Variants in MAML3 observed in about 807,000 individuals in gnomAD.
MAML3 encodes the protein mastermind like transcriptional coactivator 3, also known as mastermind-like protein 3.
In MAML3, 27 loss-of-function variants were observed where a neutral mutation model predicts 101.9. The observed-to-expected ratio is 0.27, with a 90% CI of 0.20 to 0.37. MAML3 has a LOEUF of 0.37. MAML3 is among the 10% of genes least tolerant of loss of function. The probability of loss-of-function intolerance (pLI) is 1.00; values close to 1 mark genes in which losing one functional copy is unlikely to be tolerated. For missense variants in MAML3, 1,316 were observed against 1,444.9 expected, an observed-to-expected ratio of 0.91 and a Z score of 1.45; for synonymous variants, 501 against 555.9, an observed-to-expected ratio of 0.90 and a Z score of 1.39.
intron 1 of MAML3, among the ~76,000 whole-genome samples, chr4:139,948,606 T>C (rs1469147172): frequency 1.3e-5 from 2 of 152,250 alleles, no homozygotes; most frequent in Admixed American, 6.5e-5. Context: ...AGGATGACAC[T>C]AGAAATGGTC....
chr4:139,845,282 T>G (rs1731421905), intron 2 of MAML3, among the ~76,000 whole-genome samples: 1 of 152,100 alleles, frequency 6.6e-6, no homozygotes, highest in African/African-American at 2.4e-5. Context: ...TGTGGCTGCA[T>G]TAGACAGAGT....
At chr4:139,746,360 G>A (rs1271345968) in intron 2 of MAML3, among the ~76,000 whole-genome samples, 1 of 152,158 alleles carries the variant, frequency 6.6e-6, no homozygotes, top group Admixed American at 6.5e-5. Context: ...ATACCTTGGT[G>A]GTTTCAGGTA....
At chr4:140,008,163 G>C (rs1241605097) in intron 1 of MAML3, among the ~76,000 whole-genome samples, 1 of 152,154 alleles carries the variant, frequency 6.6e-6, no homozygotes, top group Admixed American at 6.5e-5. Context: ...TGGCCTACGT[G>C]GTGAAACCCC....
chr4:139,957,594 G>A (rs1733936717), intron 1 of MAML3, among the ~76,000 whole-genome samples: 1 of 152,152 alleles, frequency 6.6e-6, no homozygotes, highest in African/African-American at 2.4e-5. Flanking sequence ...TAGAAAGATG[G>A]TGAATCCAGT....
At chr4:139,752,684 C>T (rs1729538105) in intron 2 of MAML3, among the ~76,000 whole-genome samples, 1 of 152,112 alleles carries the variant, frequency 6.6e-6, no homozygotes, top group African/African-American at 2.4e-5. Flanking sequence ...ACATATTTCT[C>T]CCGAGAGAGC....
chr4:139,922,626 G>A (rs1733149629), intron 1 of MAML3, among the ~76,000 whole-genome samples: 1 of 152,190 alleles, frequency 6.6e-6, no homozygotes, highest in South Asian at 2.1e-4. Context: ...GATATGAAAA[G>A]ATATGGAGCC....
chr4:139,956,757 A>G (rs1733924381), intron 1 of MAML3, among the ~76,000 whole-genome samples: 1 of 152,156 alleles, frequency 6.6e-6, no homozygotes, highest in African/African-American at 2.4e-5. Context: ...CCACACAGGA[A>G]AGGAGAAATA....
At position 140,073,041 on chromosome 4, in the gene MAML3, G is replaced by C. The variant is rs567319409; in HGVS notation, c.468+79819C>G. 4.6e-5 allele frequency among the ~76,000 whole-genome samples: 7 copies of C among 152,260 alleles called. No homozygotes were observed. The South Asian group carries it at 1.5e-3, about 32-fold the overall frequency. On this transcript the variant is annotated intron_variant, in intron 1 of 4. Coordinates refer to ENST00000509479, the MANE Select transcript of MAML3 (RefSeq NM_018717.5). ...AAAGTGTGTTTGTCTAGGGAGGGAG[G>C]AGGATGGCTGGTCATGAGCACTATA...
Position 139,991,327 on chromosome 4 carries a change from G to A in MAML3, c.469-100360C>T, listed in dbSNP as rs531745368. 2.4e-3 allele frequency among the ~76,000 whole-genome samples: 371 copies of A among 152,302 alleles called. 1 individual carries two copies. Among genetic ancestry groups the A allele is most frequent in the African/African-American group, 8.7e-3 (363 of 41,558 alleles). On this transcript the variant is annotated intron_variant, in intron 1 of 4. Coordinates refer to ENST00000509479, the MANE Select transcript of MAML3 (RefSeq NM_018717.5). ...AAGGATTCCCTATTTAATAAACGGT[G>A]CTGGGAAAACAGGCTAGCCATATGT... is the stretch of plus-strand genomic sequence containing the variant.
At chr4:140,062,236 G>A (rs758214341) in intron 1 of MAML3, among the ~76,000 whole-genome samples, 37 of 152,258 alleles carry the variant, frequency 2.4e-4, no homozygotes, top group Admixed American at 9.2e-4. Context: ...TTCTTAAGCA[G>A]AGAACATGAA....
At chr4:140,008,703 T>A (rs1007098569) in intron 1 of MAML3, among the ~76,000 whole-genome samples, 10 of 152,096 alleles carry the variant, frequency 6.6e-5, no homozygotes, top group African/African-American at 9.7e-5. Context: ...AATAAACAAA[T>A]AAAATTTATG....
intron 1 of MAML3, among the ~76,000 whole-genome samples, chr4:139,988,036 A>G (rs1230793932): frequency 6.2e-4 from 81 of 130,754 alleles, no homozygotes; most frequent in Non-Finnish European, 1.2e-3. Flanking sequence ...AAAAAAAAAA[A>G]AAAAAAGGAA....
intron 2 of MAML3, among the ~76,000 whole-genome samples, chr4:139,788,329 G>A (rs753500344): frequency 1.3e-5 from 2 of 152,086 alleles, no homozygotes; most frequent in African/African-American, 4.8e-5. Context: ...CTTCAAGGTG[G>A]CATTTCTTTT....
chr4:139,759,463 C>A (rs1481714684), intron 2 of MAML3, among the ~76,000 whole-genome samples: 1 of 152,236 alleles, frequency 6.6e-6, no homozygotes, highest in Non-Finnish European at 1.5e-5. Context: ...TCACCTTGAA[C>A]CAGCATCTCT....
chr4:139,975,631 C>A (rs1734324915), intron 1 of MAML3, among the ~76,000 whole-genome samples: 1 of 152,156 alleles, frequency 6.6e-6, no homozygotes, highest in Non-Finnish European at 1.5e-5. Flanking sequence ...GCTTTATTCA[C>A]TGCTGTATGT....
At chr4:140,114,597 A>G (rs1353668397) in intron 1 of MAML3, among the ~76,000 whole-genome samples, 3 of 152,248 alleles carry the variant, frequency 2.0e-5, no homozygotes, top group Non-Finnish European at 4.4e-5. Flanking sequence ...TTTCTCCCCA[A>G]TAAGCCGGGT....
chr4:139,772,020 A>C (rs1212757104), intron 2 of MAML3, among the ~76,000 whole-genome samples: 1 of 150,752 alleles, frequency 6.6e-6, no homozygotes, highest in Non-Finnish European at 1.5e-5. Context: ...TGGGCGGATC[A>C]CGAGGTCAGC....
At chr4:139,758,417 C>T (rs1411758124) in intron 2 of MAML3, among the ~76,000 whole-genome samples, 1 of 152,176 alleles carries the variant, frequency 6.6e-6, no homozygotes, top group Admixed American at 6.5e-5. Flanking sequence ...TAAGATATGG[C>T]TACTACAGCT....
intron 2 of MAML3, among the ~76,000 whole-genome samples, chr4:139,811,340 G>A (rs537543029): frequency 6.6e-5 from 10 of 152,284 alleles, no homozygotes; most frequent in African/African-American, 1.9e-4. Flanking sequence ...TGGACAAGGG[G>A]GTGAGTGTGG....
Sources: allele counts gnomAD v4.1 joint callset (sites outside exome capture counted in the v4.1 genomes callset), GRCh38; gene constraint gnomAD v4.1.1; transcripts MANE v1.5; gene names NCBI Gene and HGNC (gene_info 2026-07-23, HGNC 2026-07-21).